PCDHGB3: variants seen among roughly 807,000 people sequenced by gnomAD.
PCDHGB3 encodes the protein protocadherin gamma-B3.
PCDHGB3 carries 40 observed loss-of-function variants against 59.2 expected under a neutral mutation model. The observed-to-expected ratio is 0.68, with a 90% CI of 0.52 to 0.88. The LOEUF (loss-of-function observed/expected upper bound fraction) is 0.88, where lower values mean the gene tolerates loss of function less well. Among genes scored for constraint, PCDHGB3 ranks in the 40% least tolerant of loss-of-function variants. PCDHGB3 has a pLI of 0.00. For missense variants in PCDHGB3, 1,309 were observed against 1,187.9 expected, an observed-to-expected ratio of 1.10 and a Z score of -1.50; for synonymous variants, 581 against 503.6, an observed-to-expected ratio of 1.15 and a Z score of -2.06.
intron 1 of PCDHGB3, chr5:141,478,623 G>GT (rs1337268572): frequency 1.3e-5 from 20 of 1,554,356 alleles, no homozygotes; most frequent in Admixed American, 3.9e-5. Flanking sequence ...GAATGGAGCT[G>GT]TTTTTTTAGT....
At chr5:141,388,991 C>G in intron 1 of PCDHGB3, 1 of 1,613,976 alleles carries the variant, frequency 6.2e-7, no homozygotes. Flanking sequence ...TGCTCAAAGT[C>G]CGTGACAAGG....
rs761189685 is a variant in PCDHGB3 at position 141,404,203 on chromosome 5, A to G, written c.2415+31394A>G. On this transcript the variant is annotated intron_variant, in intron 1 of 3. Coordinates refer to ENST00000576222, the MANE Select transcript of PCDHGB3 (RefSeq NM_018924.5). Reference sequence around the variant, plus strand: ...TTCTTGACCGAGAAAAAGCCTCAGAATATAATATCACGGTGACTGCAACAG... The same window carrying G: ...TTCTTGACCGAGAAAAAGCCTCAGAGTATAATATCACGGTGACTGCAACAG... 11 of 1,613,806 alleles carry G rather than the reference A, an allele frequency of 6.8e-6. No individual in the cohort carries two copies. In the South Asian group the frequency reaches 1.2e-4, roughly 18 times the overall value.
intron 1 of PCDHGB3, among the ~76,000 whole-genome samples, chr5:141,483,689 G>A (rs1234666254): frequency 6.6e-6 from 1 of 152,022 alleles, no homozygotes; most frequent in Non-Finnish European, 1.5e-5. Flanking sequence ...CAGAAAGCCA[G>A]ATTCCTCTTT....
Position 141,491,869 on chromosome 5 carries a change from G to A in PCDHGB3, c.2416-2938G>A. On this transcript the variant is annotated intron_variant, in intron 1 of 3. Transcript: ENST00000576222. The surrounding 1 kb of genome is among the most constrained non-coding windows in gnomAD (Gnocchi z 6.9). ...GGACCGTTTGCGCGAAACCAGAGTG[G>A]CCGATTAAGGGATGGGGCTCCGAGC... The A allele has an allele frequency of 6.9e-7, 1 of 1,453,094 alleles. No individual in the cohort carries two copies. Among genetic ancestry groups the A allele is most frequent in the Non-Finnish European group, 9.1e-7 (1 of 1,099,380 alleles). 90.0% of individuals were successfully genotyped at this position (1,453,094 alleles called of 1,614,324 possible).
chr5:141,383,551 G>A lies in PCDHGB3; in HGVS notation c.2415+10742G>A, dbSNP rs772901140. 8 of 1,612,382 alleles carry A rather than the reference G, an allele frequency of 5.0e-6. No individual in the cohort carries two copies. Among genetic ancestry groups the A allele is most frequent in the Admixed American group, 3.3e-5 (2 of 59,816 alleles). On this transcript the variant is annotated intron_variant, in intron 1 of 3. Transcript: ENST00000576222. ...CCTGGTCCTCACAGCCTCTGATGGC[G>A]GCGACCCGCCCCGATCCAGCACCGC...
intron 1 of PCDHGB3, chr5:141,393,121 T>C: frequency 6.2e-7 from 1 of 1,613,428 alleles, no homozygotes; most frequent in Non-Finnish European, 8.5e-7. Context: ...CCGCGGTGTC[T>C]GATAAATATT....
Position 141,371,833 on chromosome 5 carries a change from A to G in PCDHGB3, c.1439A>G (p.Asp480Gly), listed in dbSNP as rs1171503468. Residue 480 changes from aspartate to glycine, a missense_variant, in exon 1 of 4, where the codon GAC becomes GGC. Coordinates refer to ENST00000576222, the MANE Select transcript of PCDHGB3 (RefSeq NM_018924.5). ...GCGCATGTCAGAGCCTCGGATCCCG[A>G]CTTGGGACCTAATGGCCTTGTCTCC... ...SIAHVRASDPDLGPNGLVSYY... is the reference protein window; with the variant it reads ...SIAHVRASDPGLGPNGLVSYY... 2 of 1,613,634 alleles carry G rather than the reference A, an allele frequency of 1.2e-6. No homozygotes were observed. The highest frequency in any genetic ancestry group is 2.7e-5 in the African/African-American group (2 of 74,938).
intron 1 of PCDHGB3, chr5:141,403,649 T>C: frequency 6.2e-7 from 1 of 1,613,874 alleles, no homozygotes; most frequent in Non-Finnish European, 8.5e-7. Context: ...TGTGACAGTG[T>C]TGGATACAAA....
At chr5:141,422,415 A>C (rs1330043187) in intron 1 of PCDHGB3, 1 of 1,604,786 alleles carries the variant, frequency 6.2e-7, no homozygotes, top group Admixed American at 1.7e-5. Flanking sequence ...TTAAATTAGA[A>C]AAGACTTATG....
chr5:141,383,168 T>C, intron 1 of PCDHGB3: 1 of 1,614,096 alleles, frequency 6.2e-7, no homozygotes. Flanking sequence ...GCGGGCAGGA[T>C]AGACCGGGAA....
At chr5:141,419,306 C>T in intron 1 of PCDHGB3, 1 of 1,614,032 alleles carries the variant, frequency 6.2e-7, no homozygotes, top group Non-Finnish European at 8.5e-7. Context: ...AGACTTCGGG[C>T]TCAACGGCCG....
intron 1 of PCDHGB3, chr5:141,424,500 G>A (rs2154550788): frequency 6.6e-6 from 1 of 152,208 alleles, no homozygotes; most frequent in African/African-American, 2.4e-5. Flanking sequence ...TGTATGTATG[G>A]AAGGTTTTTT....
intron 1 of PCDHGB3, among the ~76,000 whole-genome samples, chr5:141,437,771 A>G (rs971065583): frequency 7.9e-5 from 12 of 151,238 alleles, no homozygotes; most frequent in Admixed American, 6.6e-5. Context: ...CAGAGTCTCA[A>G]TCTGTCGCCA....
In PCDHGB3 at chr5:141,487,456, G is replaced by A. The variant is rs1041154635; in HGVS notation, c.2416-7351G>A. Reference sequence around the variant, plus strand: ...AGCTAGGGTCAGATGACCCTATCAAGTTTGTTGATGTGGGAGGCCACTCTC... The same window carrying A: ...AGCTAGGGTCAGATGACCCTATCAAATTTGTTGATGTGGGAGGCCACTCTC... On this transcript the variant is annotated intron_variant, in intron 1 of 3. Coordinates refer to ENST00000576222, the MANE Select transcript of PCDHGB3 (RefSeq NM_018924.5). The surrounding 1 kb of genome is among the most constrained non-coding windows in gnomAD (Gnocchi z 5.0). 6.2e-7 allele frequency: 1 copy of A among 1,614,196 alleles called. No individual in the cohort carries two copies. The highest frequency in any genetic ancestry group is 8.5e-7 in the Non-Finnish European group (1 of 1,180,026).
At chr5:141,394,764 C>T in intron 1 of PCDHGB3, 3 of 1,613,450 alleles carry the variant, frequency 1.9e-6, no homozygotes, top group Middle Eastern at 1.6e-4. Flanking sequence ...GGACCATGGC[C>T]AGCCCCCTCT....
chr5:141,458,409 G>C (rs188300064), intron 1 of PCDHGB3, among the ~76,000 whole-genome samples: 1 of 152,244 alleles, frequency 6.6e-6, no homozygotes, highest in African/African-American at 2.4e-5. Context: ...GAGACGGAGC[G>C]GGGGTTCCAA....
intron 1 of PCDHGB3, among the ~76,000 whole-genome samples, chr5:141,436,781 A>T (rs1041532929): frequency 6.6e-6 from 1 of 152,236 alleles, no homozygotes; most frequent in Non-Finnish European, 1.5e-5. Context: ...TGTGGATGGA[A>T]ATAAAACTGT....
At position 141,372,292 on chromosome 5, in the gene PCDHGB3, G is replaced by T; in HGVS notation, c.1898G>T (p.Gly633Val). Residue 633 changes from glycine (G) to valine (V), a missense_variant, in exon 1 of 4, where the codon GGC (glycine) becomes GTC (valine). Gly to Val is a moderately radical substitution (Grantham distance 109). Coordinates refer to ENST00000576222, the MANE Select transcript of PCDHGB3 (RefSeq NM_018924.5). ...TGEVRTARTL[G>V]DREAARQRLL... Reference sequence around the variant, plus strand: ...GAGGTGCGCACGGCGCGTACCTTGGGCGACAGGGAGGCCGCCCGCCAGCGC... The same window carrying T: ...GAGGTGCGCACGGCGCGTACCTTGGTCGACAGGGAGGCCGCCCGCCAGCGC... 6.2e-7 allele frequency: 1 copy of T among 1,613,282 alleles called. No homozygotes were observed. The highest frequency in any genetic ancestry group is 8.5e-7 in the Non-Finnish European group (1 of 1,179,886).
chr5:141,432,061 G>T lies in PCDHGB3; in HGVS notation c.2415+59252G>T. On this transcript the variant is annotated intron_variant, in intron 1 of 3. Coordinates refer to ENST00000576222, the MANE Select transcript of PCDHGB3 (RefSeq NM_018924.5). The surrounding 1 kb of genome is among the most constrained non-coding windows in gnomAD (Gnocchi z 6.0). ...ACCGGGGAACCCCGCCCCTATCCAC[G>T]GAAACTCATATCTCGCTGAACGTGG... 1.9e-6 allele frequency: 3 copies of T among 1,614,130 alleles called. No homozygotes were observed. The highest frequency in any genetic ancestry group is 2.5e-6 in the Non-Finnish European group (3 of 1,180,034).
Sources: allele counts gnomAD v4.1 joint callset (sites outside exome capture counted in the v4.1 genomes callset), GRCh38; gene constraint gnomAD v4.1.1; non-coding constraint Gnocchi (gnomAD v3.1); transcripts MANE v1.5; gene names NCBI Gene and HGNC (gene_info 2026-07-23, HGNC 2026-07-21).